PTPRK: variants seen among roughly 807,000 people sequenced by gnomAD.
The protein encoded by PTPRK is protein tyrosine phosphatase receptor type K.
PTPRK carries 75 observed loss-of-function variants against 178.0 expected under a neutral mutation model. That is an observed-to-expected ratio of 0.42 (90% CI 0.35 to 0.51). PTPRK has a LOEUF of 0.51. Ranked by LOEUF, PTPRK falls within the 20% of genes least tolerant of loss-of-function variation. The probability of loss-of-function intolerance (pLI) is 0.02; values close to 1 mark genes in which losing one functional copy is unlikely to be tolerated. For missense variants in PTPRK, 1,441 were observed against 1,797.8 expected (o/e 0.80, Z 3.59); for synonymous variants, 637 against 620.6 (o/e 1.03, Z -0.39).
intron 7 of PTPRK, among the ~76,000 whole-genome samples, chr6:128,126,240 C>T (rs997717068): frequency 6.6e-6 from 1 of 151,994 alleles, no homozygotes; most frequent in Non-Finnish European, 1.5e-5. Context: ...CTGACAGGCC[C>T]CAGCGTGTGA....
intron 7 of PTPRK, among the ~76,000 whole-genome samples, chr6:128,129,633 G>A (rs534101668): frequency 3.9e-5 from 6 of 152,228 alleles, no homozygotes; most frequent in African/African-American, 1.4e-4. Context: ...AAGCAAAAGT[G>A]AGGTGATATA....
At chr6:128,198,804 T>C (rs1258014847) in intron 6 of PTPRK, among the ~76,000 whole-genome samples, 1 of 152,172 alleles carries the variant, frequency 6.6e-6, no homozygotes, top group Non-Finnish European at 1.5e-5. Context: ...TTTACCTATA[T>C]TTTTTGCCTC....
chr6:128,431,679 T>C (rs144609849), intron 1 of PTPRK, among the ~76,000 whole-genome samples: 1,971 of 152,354 alleles, frequency 0.013, 20 homozygotes, highest in Middle Eastern at 0.02. Flanking sequence ...TTGTTTGTTT[T>C]TCTTTCTTCC....
intron 1 of PTPRK, among the ~76,000 whole-genome samples, chr6:128,510,839 T>C (rs1857067935): frequency 6.6e-6 from 1 of 151,864 alleles, no homozygotes; most frequent in Non-Finnish European, 1.5e-5. Flanking sequence ...AATAATTATA[T>C]AGATTACTGT....
At chr6:128,054,756 A>G (rs963547608) in intron 13 of PTPRK, among the ~76,000 whole-genome samples, 1 of 152,244 alleles carries the variant, frequency 6.6e-6, no homozygotes, top group Non-Finnish European at 1.5e-5. Flanking sequence ...AGACAGATTC[A>G]TTCATGTTTA....
At chr6:128,426,198 A>C (rs1345729712) in intron 1 of PTPRK, among the ~76,000 whole-genome samples, 1 of 152,128 alleles carries the variant, frequency 6.6e-6, no homozygotes, top group Admixed American at 6.6e-5. Flanking sequence ...CATTCAAGTC[A>C]CTTTGTTGAG....
chr6:128,003,314 G>T, intron 15 of PTPRK: 1 of 1,235,708 alleles, frequency 8.1e-7, no homozygotes, highest in Non-Finnish European at 1.1e-6. Context: ...ATAGATTTAT[G>T]CTTTCTTAAG....
intron 2 of PTPRK, among the ~76,000 whole-genome samples, chr6:128,378,275 A>C (rs968376209): frequency 1.3e-5 from 2 of 152,134 alleles, no homozygotes; most frequent in Non-Finnish European, 2.9e-5. Flanking sequence ...ACAATTATAA[A>C]TAACAGAATT....
chr6:128,245,502 G>A (rs1374954876), intron 3 of PTPRK, among the ~76,000 whole-genome samples: 1 of 152,146 alleles, frequency 6.6e-6, no homozygotes, highest in African/African-American at 2.4e-5. Flanking sequence ...GGAATGGATG[G>A]CTCATCTCCC....
At chr6:128,032,681 T>C (rs1459732268) in intron 13 of PTPRK, among the ~76,000 whole-genome samples, 2 of 152,174 alleles carry the variant, frequency 1.3e-5, no homozygotes, top group Non-Finnish European at 1.5e-5. Context: ...TAATTCCAGC[T>C]TCCAAGGATG....
intron 7 of PTPRK, among the ~76,000 whole-genome samples, chr6:128,179,713 T>C (rs1801620037): frequency 6.6e-6 from 1 of 152,000 alleles, no homozygotes; most frequent in Non-Finnish European, 1.5e-5. Flanking sequence ...CGGTTACTAG[T>C]CTTTGTGATT....
At chr6:128,464,900 G>C (rs933495377) in intron 1 of PTPRK, among the ~76,000 whole-genome samples, 3 of 150,286 alleles carry the variant, frequency 2.0e-5, no homozygotes, top group African/African-American at 7.3e-5. Flanking sequence ...TGCAATAACA[G>C]AGGTCACAAA....
At chr6:128,363,616 T>C (rs1017485753) in intron 2 of PTPRK, among the ~76,000 whole-genome samples, 1 of 152,160 alleles carries the variant, frequency 6.6e-6, no homozygotes, top group Non-Finnish European at 1.5e-5. Flanking sequence ...TCTTGGCTCA[T>C]AAACTGCAGT....
At chr6:128,311,387 C>G (rs1419532804) in intron 3 of PTPRK, among the ~76,000 whole-genome samples, 1 of 152,110 alleles carries the variant, frequency 6.6e-6, no homozygotes, top group Non-Finnish European at 1.5e-5. Flanking sequence ...GCTGATTAGC[C>G]TCTTCTGAGT....
intron 14 of PTPRK, among the ~76,000 whole-genome samples, chr6:128,008,771 T>C (rs1224231393): frequency 6.6e-6 from 1 of 151,016 alleles, no homozygotes; most frequent in Non-Finnish European, 1.5e-5. Flanking sequence ...ACAAAATAAT[T>C]CCTAGACCAC....
At chr6:128,001,148 T>C in intron 15 of PTPRK, 1 of 1,396,324 alleles carries the variant, frequency 7.2e-7, no homozygotes, top group Non-Finnish European at 9.8e-7. Flanking sequence ...TAACTTGAAA[T>C]ATATCCTTGA....
chr6:127,986,917 A>G (rs1776042887), intron 21 of PTPRK, among the ~76,000 whole-genome samples: 1 of 152,174 alleles, frequency 6.6e-6, no homozygotes, highest in Non-Finnish European at 1.5e-5. Flanking sequence ...AATACCCTAC[A>G]CAAAGCAGGG....
At chr6:128,466,859 A>G (rs921667315) in intron 1 of PTPRK, among the ~76,000 whole-genome samples, 2 of 152,218 alleles carry the variant, frequency 1.3e-5, no homozygotes, top group African/African-American at 4.8e-5. Context: ...ACAAATGAAT[A>G]AACCCTTAAA....
intron 25 of PTPRK, among the ~76,000 whole-genome samples, chr6:127,977,471 T>A (rs981623949): frequency 1.4e-4 from 22 of 152,226 alleles, no homozygotes; most frequent in African/African-American, 5.3e-4. Context: ...ACCCCTGGTA[T>A]GTCTATCAAT....
Sources: gnomAD v4.1 joint callset for allele counts (sites outside exome capture counted in the v4.1 genomes callset) on GRCh38, gnomAD v4.1.1 for gene constraint, MANE v1.5 for transcripts, NCBI Gene and HGNC (gene_info 2026-07-23, HGNC 2026-07-21) for gene names.